Variants in PDZRN4 observed in about 807,000 individuals in gnomAD.
PDZRN4 encodes the protein PDZ domain containing ring finger 4, also known as PDZ domain-containing RING finger protein 4.
Under a neutral mutation model 99.0 loss-of-function variants are expected in PDZRN4, and 70 were observed. The ratio of observed to expected loss-of-function variants is 0.71; its 90% CI spans 0.58 to 0.86. The LOEUF is 0.86. Ranked by LOEUF, PDZRN4 falls within the 40% of genes least tolerant of loss-of-function variation. The probability of loss-of-function intolerance (pLI) is 0.00; values close to 1 mark genes in which losing one functional copy is unlikely to be tolerated. For missense variants in PDZRN4, 1,474 were observed against 1,331.2 expected (o/e 1.11, Z -1.67); for synonymous variants, 551 against 501.6 (o/e 1.10, Z -1.32).
intron 3 of PDZRN4, among the ~76,000 whole-genome samples, chr12:41,423,090 A>G (rs890498607): frequency 2.6e-5 from 4 of 151,880 alleles, no homozygotes; most frequent in African/African-American, 9.7e-5. Context: ...TTGAGTGTTG[A>G]TTTTTTGTAC....
At chr12:41,214,448 A>AAAAAAAAAAAAAAAAAAAAAAC in intron 3 of PDZRN4, among the ~76,000 whole-genome samples, 1 of 147,248 alleles carries the variant, frequency 6.8e-6, no homozygotes, top group Non-Finnish European at 1.5e-5. Context: ...AAAAAAAAAA[A>AAAAAAAAAAAAAAAAAAAAAAC]AAGTTATCTA....
intron 3 of PDZRN4, among the ~76,000 whole-genome samples, chr12:41,393,054 A>G (rs1334697570): frequency 6.6e-6 from 1 of 152,206 alleles, no homozygotes; most frequent in Admixed American, 6.5e-5. Flanking sequence ...CACTATCACC[A>G]GTGCCTATGG....
chr12:41,381,644 ATT>A (rs1952127610), intron 3 of PDZRN4, among the ~76,000 whole-genome samples: 1 of 151,536 alleles, frequency 6.6e-6, no homozygotes, highest in African/African-American at 2.4e-5. Context: ...TGTTTTTCTA[ATT>A]TTGCTTAATT....
Position 41,347,473 on chromosome 12 carries a change from C to A in PDZRN4, c.843+153285C>A, listed in dbSNP as rs147661187. Among the ~76,000 whole-genome samples, 133 of 152,136 alleles carry A rather than the reference C, an allele frequency of 8.7e-4. No individual in the cohort carries two copies. In the Middle Eastern group the frequency reaches 0.02, roughly 23 times the overall value. On this transcript the variant is annotated intron_variant, in intron 3 of 9. Transcript: ENST00000402685. ...GAGAAATGTCTACTCAAATCCTTAGCCTACTTTTAAATTGGGTTATTTGTC... is the reference window on the plus strand; with the variant it reads ...GAGAAATGTCTACTCAAATCCTTAGACTACTTTTAAATTGGGTTATTTGTC...
intron 3 of PDZRN4, among the ~76,000 whole-genome samples, chr12:41,492,308 C>G (rs1252467895): frequency 1.3e-5 from 2 of 152,142 alleles, no homozygotes; most frequent in East Asian, 1.9e-4. Flanking sequence ...GAAGAAAGAA[C>G]TATTAGATAA....
Position 41,248,788 on chromosome 12 carries a change from A to G in PDZRN4, c.843+54600A>G, listed in dbSNP as rs377683648. On this transcript the variant is annotated intron_variant, in intron 3 of 9. Transcript: ENST00000402685. ...AATATTAAAAGATATCTTATTATAAATAATTGCATTGTAATGTAGCATTTT... is the reference window on the plus strand; with the variant it reads ...AATATTAAAAGATATCTTATTATAAGTAATTGCATTGTAATGTAGCATTTT... Among the ~76,000 whole-genome samples the G allele has an allele frequency of 2.0e-5, 3 of 152,322 alleles. No individual in the cohort carries two copies. The East Asian group carries it at 5.8e-4, about 29-fold the overall frequency.
chr12:41,438,603 A>C (rs2120460531), intron 3 of PDZRN4, among the ~76,000 whole-genome samples: 1 of 152,276 alleles, frequency 6.6e-6, no homozygotes, highest in Non-Finnish European at 1.5e-5. Flanking sequence ...CCTTTTTATA[A>C]GGTTTTTGTT....
chr12:41,275,847 T>C (rs955141606), intron 3 of PDZRN4, among the ~76,000 whole-genome samples: 5 of 152,104 alleles, frequency 3.3e-5, no homozygotes, highest in Non-Finnish European at 7.4e-5. Context: ...TGGAGACTCA[T>C]TGAATCTAAG....
chr12:41,511,056 A>G (rs1381353064), intron 5 of PDZRN4, among the ~76,000 whole-genome samples: 3 of 152,144 alleles, frequency 2.0e-5, no homozygotes, highest in Non-Finnish European at 2.9e-5. Flanking sequence ...CATGTAAAAT[A>G]AATTATAAAA....
chr12:41,247,461 A>G lies in PDZRN4; in HGVS notation c.843+53273A>G, dbSNP rs577992380. Among the ~76,000 whole-genome samples, 6 of 152,320 alleles carry G rather than the reference A, an allele frequency of 3.9e-5. No individual in the cohort carries two copies. In the East Asian group the frequency reaches 1.2e-3, roughly 29 times the overall value. ...CCACTGACCATTGAAATTACCCAAT[A>G]TAAGTTGATTGATTGTTGATTTAAC... is the stretch of plus-strand genomic sequence containing the variant. On this transcript the variant is annotated intron_variant, in intron 3 of 9. Coordinates refer to ENST00000402685, the MANE Select transcript of PDZRN4 (RefSeq NM_001164595.2).
At chr12:41,420,899 A>G (rs1157358388) in intron 3 of PDZRN4, among the ~76,000 whole-genome samples, 3 of 152,094 alleles carry the variant, frequency 2.0e-5, no homozygotes, top group African/African-American at 7.2e-5. Context: ...GAAGCACCTC[A>G]ATCTCATCAT....
intron 7 of PDZRN4, among the ~76,000 whole-genome samples, chr12:41,559,511 G>T (rs1939229720): frequency 6.6e-6 from 1 of 152,162 alleles, no homozygotes; most frequent in Admixed American, 6.5e-5. Context: ...TCCAAGGAGA[G>T]AATGCTATAT....
chr12:41,415,343 T>G (rs556124817), intron 3 of PDZRN4, among the ~76,000 whole-genome samples: 2 of 148,770 alleles, frequency 1.3e-5, no homozygotes, highest in South Asian at 4.2e-4. Context: ...ATATTACAAA[T>G]ATATGTGTAA....
rs1229036453 is a variant in PDZRN4, at chr12:41,242,907, A to C, written c.843+48719A>C. Among the ~76,000 whole-genome samples, 8 of 152,314 alleles carry C rather than the reference A, an allele frequency of 5.3e-5. No individual in the cohort carries two copies. In the South Asian group the frequency reaches 1.5e-3, roughly 28 times the overall value. On this transcript the variant is annotated intron_variant, in intron 3 of 9. Transcript: ENST00000402685. ...CAGCATAGCCACTGCCCAGTGGTAA[A>C]TAGAATTGGCAGAAGCATCTTTTTC...
intron 3 of PDZRN4, among the ~76,000 whole-genome samples, chr12:41,428,845 T>C (rs1952562192): frequency 6.6e-6 from 1 of 151,986 alleles, no homozygotes; most frequent in East Asian, 1.9e-4. Context: ...TCTAGGAAAG[T>C]GGCATAGGAG....
intron 3 of PDZRN4, among the ~76,000 whole-genome samples, chr12:41,454,618 G>A (rs12298553): frequency 0.099 from 15,057 of 152,186 alleles, 1,944 homozygotes; most frequent in African/African-American, 0.29. Flanking sequence ...CATTCTTCCG[G>A]TGTGACACTG....
intron 5 of PDZRN4, among the ~76,000 whole-genome samples, chr12:41,522,983 C>G (rs1263443564): frequency 3.9e-5 from 6 of 152,020 alleles, no homozygotes; most frequent in Non-Finnish European, 8.8e-5. Flanking sequence ...TCCCAAGATA[C>G]TAGACATCTA....
intron 1 of PDZRN4, among the ~76,000 whole-genome samples, chr12:41,189,598 A>G (rs967490070): frequency 6.6e-6 from 1 of 152,072 alleles, no homozygotes; most frequent in South Asian, 2.1e-4. Flanking sequence ...CGTTGATGAC[A>G]CTTGCGCTGC....
chr12:41,516,107 C>A (rs1049958613), intron 5 of PDZRN4, among the ~76,000 whole-genome samples: 18 of 152,016 alleles, frequency 1.2e-4, no homozygotes, highest in South Asian at 2.1e-4. Context: ...AAGCATCACT[C>A]CATCAGAAGC....
Sources: allele counts gnomAD v4.1 joint callset (sites outside exome capture counted in the v4.1 genomes callset), GRCh38; gene constraint gnomAD v4.1.1; transcripts MANE v1.5; gene names NCBI Gene and HGNC (gene_info 2026-07-23, HGNC 2026-07-21).